Variants in DOCK8 observed in about 807,000 individuals in gnomAD.
The protein encoded by DOCK8 is dedicator of cytokinesis protein 8.
A neutral mutation model predicts 245.6 loss-of-function variants in DOCK8; 141 were observed. The ratio of observed to expected loss-of-function variants is 0.57; its 90% confidence interval spans 0.50 to 0.66. The LOEUF is 0.66. Among genes scored for constraint, DOCK8 ranks in the 30% least tolerant of loss-of-function variants. The probability of loss-of-function intolerance (pLI) is 0.00; values close to 1 mark genes in which losing one functional copy is unlikely to be tolerated. For synonymous variants in DOCK8, 1,168 were observed against 970.2 expected (o/e 1.20, Z -3.79); for missense variants, 2,965 against 2,603.4 (o/e 1.14, Z -3.02).
chr9:215,217 G>C (rs1339439399), intron 1 of DOCK8, 188 bp downstream of exon 1: 8 of 1,542,818 alleles, frequency 5.2e-6, no homozygotes, highest in Non-Finnish European at 7.0e-6. Context: ...CGGCTCCTGC[G>C]CTGGGCCCGG....
At chr9:293,648 G>C (rs1423588521) in intron 4 of DOCK8, among the ~76,000 whole-genome samples, 1 of 152,170 alleles carries the variant, frequency 6.6e-6, no homozygotes, top group Non-Finnish European at 1.5e-5. Context: ...ACAAAGTTTG[G>C]TACATCCTTC....
At chr9:286,781 TC>T in intron 3 of DOCK8, 145 bp downstream of exon 3, 1 of 827,668 alleles carries the variant, frequency 1.2e-6, no homozygotes, top group Non-Finnish European at 2.0e-6. Flanking sequence ...CTATATGATA[TC>T]ATCATGTAAG....
chr9:399,267 T>TG lies in DOCK8; in HGVS notation c.3234+8_3234+9insG. On this transcript the variant is annotated intron_variant, in intron 26 of 47. Coordinates refer to ENST00000432829, the MANE Select transcript of DOCK8 (RefSeq NM_203447.4). The stretch of plus-strand genomic sequence containing the variant: ...AGACATTATTGCAGCCAGGTGAGTG[T>TG]CCCCCCCACCCCCACCCCCGAGCGA... 2.0e-6 allele frequency: 3 copies of TG among 1,534,460 alleles called. No homozygotes were observed. Among genetic ancestry groups the TG allele is most frequent in the South Asian group, 1.1e-5 (1 of 87,664 alleles).
chr9:459,634 T>G (rs1020324794), intron 46 of DOCK8: 2 of 152,264 alleles, frequency 1.3e-5, no homozygotes, highest in African/African-American at 4.8e-5. Flanking sequence ...TTGCTGCAAC[T>G]TGGGGTTGGC....
intron 47 of DOCK8, 124 bp downstream of exon 47, chr9:463,811 C>T (rs1395568405): frequency 1.5e-5 from 17 of 1,166,080 alleles, no homozygotes; most frequent in Non-Finnish European, 2.0e-5. Flanking sequence ...GGAAGAGGGT[C>T]CCACAGTCAG....
At chr9:435,673 C>G (rs1248862897) in intron 39 of DOCK8, among the ~76,000 whole-genome samples, 1 of 152,116 alleles carries the variant, frequency 6.6e-6, no homozygotes, top group Non-Finnish European at 1.5e-5. Context: ...GAATCAGTAC[C>G]TTCTTAGGAT....
intron 4 of DOCK8, among the ~76,000 whole-genome samples, chr9:298,719 T>C (rs17664774): frequency 0.13 from 19,743 of 151,880 alleles, 1,372 homozygotes; most frequent in Non-Finnish European, 0.15. Flanking sequence ...CATTTTATTA[T>C]AACACAAAAA....
At chr9:307,515 C>T (rs531823852) in intron 5 of DOCK8, among the ~76,000 whole-genome samples, 19 of 151,966 alleles carry the variant, frequency 1.3e-4, no homozygotes, top group South Asian at 4.2e-4. Context: ...TGCGCCACCA[C>T]GCCTGGCCAA....
At chr9:438,605 T>C (rs1389251525) in intron 39 of DOCK8, among the ~76,000 whole-genome samples, 1 of 152,138 alleles carries the variant, frequency 6.6e-6, no homozygotes, top group Non-Finnish European at 1.5e-5. Flanking sequence ...TTGTCTTGGG[T>C]TTCTCATTTG....
intron 4 of DOCK8, among the ~76,000 whole-genome samples, chr9:291,899 T>G (rs2049055308): frequency 6.6e-6 from 1 of 151,026 alleles, no homozygotes; most frequent in Non-Finnish European, 1.5e-5. Context: ...AGACCCCACC[T>G]CTAAAAAAAT....
chr9:364,070 A>G (rs2052859425), intron 14 of DOCK8, among the ~76,000 whole-genome samples: 1 of 152,210 alleles, frequency 6.6e-6, no homozygotes, highest in South Asian at 2.1e-4. Context: ...ATTACAGAAT[A>G]TAAGGGGATT....
In DOCK8 at chr9:296,874, C is replaced by A. The variant is rs1397894647; in HGVS notation, c.404+7293C>A. Among the ~76,000 whole-genome samples the A allele has an allele frequency of 2.0e-5, 3 of 152,190 alleles. No individual in the cohort carries two copies. In the South Asian group the frequency reaches 6.2e-4, roughly 32 times the overall value. On this transcript the variant is annotated intron_variant, in intron 4 of 47. Transcript: ENST00000432829. Reference sequence around the variant, plus strand: ...ACAAATCCAAACCCACTAAGACTCTCCAGGCTCTGTTAACACACACCAGCC... The same window carrying A: ...ACAAATCCAAACCCACTAAGACTCTACAGGCTCTGTTAACACACACCAGCC...
At chr9:319,825 T>C (rs1257477631) in intron 7 of DOCK8, among the ~76,000 whole-genome samples, 1 of 152,248 alleles carries the variant, frequency 6.6e-6, no homozygotes, top group Admixed American at 6.5e-5. Flanking sequence ...TTTTCTGTTT[T>C]GTGTTTTAAA....
At chr9:387,693 A>C (rs2054013007) in intron 23 of DOCK8, among the ~76,000 whole-genome samples, 1 of 152,190 alleles carries the variant, frequency 6.6e-6, no homozygotes, top group Admixed American at 6.5e-5. Flanking sequence ...TTAACTATAA[A>C]AGGAAAAGTG....
At chr9:386,709 C>T (rs1360388649) in intron 23 of DOCK8, among the ~76,000 whole-genome samples, 1 of 152,192 alleles carries the variant, frequency 6.6e-6, no homozygotes, top group Non-Finnish European at 1.5e-5. Flanking sequence ...GTTTCTGATT[C>T]AATAGATCTG....
At position 277,378 on chromosome 9, in the gene DOCK8, T is replaced by C. The variant is rs117508129; in HGVS notation, c.156+5649T>C. 7.4e-3 allele frequency among the ~76,000 whole-genome samples: 1,122 copies of C among 151,342 alleles called. 11 individuals are homozygous for C. The highest frequency in any genetic ancestry group is 0.012 in the Non-Finnish European group (846 of 68,000). On this transcript the variant is annotated intron_variant, in intron 2 of 47. Coordinates refer to ENST00000432829, the MANE Select transcript of DOCK8 (RefSeq NM_203447.4). The stretch of plus-strand genomic sequence containing the variant: ...AGTTGGAGGCTGCAGTGAGCCATGA[T>C]TGAGCCACAGTACTCTAGCCTGGGC...
chr9:250,693 G>T (rs182026514), intron 1 of DOCK8, among the ~76,000 whole-genome samples: 2 of 152,354 alleles, frequency 1.3e-5, no homozygotes, highest in East Asian at 3.9e-4. Flanking sequence ...AACTGAGGAT[G>T]ATCAAATAGT....
chr9:292,753 G>T (rs574608844), intron 4 of DOCK8, among the ~76,000 whole-genome samples: 4 of 152,082 alleles, frequency 2.6e-5, no homozygotes, highest in African/African-American at 9.6e-5. Context: ...TCAACATTCA[G>T]AATTATTTAT....
intron 1 of DOCK8, among the ~76,000 whole-genome samples, chr9:221,159 C>CA (rs2046874286): frequency 6.6e-6 from 1 of 152,228 alleles, no homozygotes; most frequent in Admixed American, 6.5e-5. Flanking sequence ...TGAAACTAAG[C>CA]AAATTGATAA....
Sources: gnomAD v4.1 joint callset for allele counts (sites outside exome capture counted in the v4.1 genomes callset) on GRCh38, gnomAD v4.1.1 for gene constraint, MANE v1.5 for transcripts, NCBI Gene and HGNC (gene_info 2026-07-23, HGNC 2026-07-21) for gene names.